WASL: variants seen among roughly 807,000 people sequenced by gnomAD.
WASL encodes WASP like actin nucleation promoting factor.
A neutral mutation model predicts 55.5 loss-of-function variants in WASL; 20 were observed. The observed-to-expected ratio is 0.36, with a 90% CI of 0.25 to 0.52. The LOEUF (loss-of-function observed/expected upper bound fraction) is 0.52, where lower values mean the gene tolerates loss of function less well. Among genes scored for constraint, WASL ranks in the 20% least tolerant of loss-of-function variants. The pLI is 0.92. For synonymous variants in WASL, 249 were observed against 217.6 expected (o/e 1.14, Z -1.27); for missense variants, 504 against 622.5 (o/e 0.81, Z 2.03).
chr7:123,685,892 A>T, intron 10 of WASL, among the ~76,000 whole-genome samples: 1 of 148,028 alleles, frequency 6.8e-6, no homozygotes, highest in Non-Finnish European at 1.5e-5. Flanking sequence ...ATAAATATGT[A>T]TATAAATATA....
intron 7 of WASL, among the ~76,000 whole-genome samples, chr7:123,695,382 T>A (rs1803474946): frequency 1.3e-5 from 2 of 152,152 alleles, no homozygotes; most frequent in Non-Finnish European, 2.9e-5. Flanking sequence ...CAAACGCTGA[T>A]TAATTTTTGC....
At chr7:123,719,279 A>C (rs181732209) in intron 1 of WASL, among the ~76,000 whole-genome samples, 9 of 152,338 alleles carry the variant, frequency 5.9e-5, no homozygotes, top group Non-Finnish European at 8.8e-5. Flanking sequence ...GATATGCTGA[A>C]GTCACATGGG....
At chr7:123,699,001 T>A (rs1803533684) in intron 5 of WASL, among the ~76,000 whole-genome samples, 1 of 152,192 alleles carries the variant, frequency 6.6e-6, no homozygotes, top group Non-Finnish European at 1.5e-5. Context: ...AGCAACACTA[T>A]CCACAATAAG....
In WASL at chr7:123,689,116, G is replaced by A; in HGVS notation, c.1382C>T (p.Pro461Leu). 1.2e-6 allele frequency: 2 copies of A among 1,613,696 alleles called. No homozygotes were observed. The highest frequency in any genetic ancestry group is 1.7e-6 in the Non-Finnish European group (2 of 1,179,908). The change falls in exon 10 of 11, where the codon CCT becomes CTT. Residue 461 changes from proline (P) to leucine (L), a missense_variant. Pro to Leu is a moderately conservative substitution (Grantham distance 98, BLOSUM62 -3). Around this residue, in one of 5 missense-constraint regions of WASL, gnomAD observed 53 missense variants for 69.1 expected, o/e 0.77. Transcript: ENST00000223023. ...ACCCACAATTCCTGAAGTGGGTGCA[G>A]GTGTTGGTGGTGTAGACTCTTGGCC... ...ADGQESTPPTPAPTSGIVGAL... is the reference protein window; with the variant it reads ...ADGQESTPPTLAPTSGIVGAL...
rs1341994058 is a variant in WASL at position 123,748,864 on chromosome 7, A to T, written c.-130T>A. On this transcript the variant is annotated 5_prime_UTR_variant, in exon 1 of 11. Transcript: ENST00000223023. ...GCGCCACATCTCGCAGCTCCTCCGG[A>T]GCGGGGAGGAGGACGAGGTCGAGGG... is the stretch of plus-strand genomic sequence containing the variant. 3 of 723,100 alleles carry T rather than the reference A, an allele frequency of 4.1e-6. No homozygotes were observed. The highest frequency in any genetic ancestry group is 1.9e-5 in the African/African-American group (1 of 53,714). 44.8% of individuals were successfully genotyped at this position (723,100 alleles called of 1,614,324 possible).
At chr7:123,712,436 T>C (rs1803773786) in intron 1 of WASL, among the ~76,000 whole-genome samples, 1 of 152,142 alleles carries the variant, frequency 6.6e-6, no homozygotes, top group South Asian at 2.1e-4. Flanking sequence ...TTAGGATATA[T>C]AGCCTGAAAT....
At chr7:123,705,240 A>G (rs1034572522) in intron 4 of WASL, among the ~76,000 whole-genome samples, 1 of 152,160 alleles carries the variant, frequency 6.6e-6, no homozygotes, top group Non-Finnish European at 1.5e-5. Flanking sequence ...GGCAGAGTCA[A>G]TAGGACTCTG....
intron 1 of WASL, among the ~76,000 whole-genome samples, chr7:123,727,601 A>T (rs1470738085): frequency 1.3e-5 from 2 of 152,240 alleles, no homozygotes; most frequent in Non-Finnish European, 2.9e-5. Context: ...AAACTAAGCC[A>T]TCATGACAGA....
chr7:123,699,139 A>G (rs1803537382), intron 5 of WASL, among the ~76,000 whole-genome samples: 1 of 152,188 alleles, frequency 6.6e-6, no homozygotes, highest in African/African-American at 2.4e-5. Context: ...TAATCCCAGC[A>G]CTTTGGAAGG....
chr7:123,703,196 A>G (rs932903971), intron 5 of WASL, among the ~76,000 whole-genome samples: 3 of 152,178 alleles, frequency 2.0e-5, no homozygotes, highest in Admixed American at 2.0e-4. Flanking sequence ...TTTTGCCTTC[A>G]AAATCATCTT....
At chr7:123,707,179 T>C (rs28535771) in intron 2 of WASL, among the ~76,000 whole-genome samples, 3,280 of 152,252 alleles carry the variant, frequency 0.022, 139 homozygotes, top group African/African-American at 0.075. Flanking sequence ...TAGGATACTT[T>C]TGTACATGAA....
At chr7:123,721,460 C>T (rs1803941058) in intron 1 of WASL, among the ~76,000 whole-genome samples, 1 of 152,048 alleles carries the variant, frequency 6.6e-6, no homozygotes, top group South Asian at 2.1e-4. Flanking sequence ...CAACATACAA[C>T]CTAAGGACTT....
intron 5 of WASL, among the ~76,000 whole-genome samples, chr7:123,698,586 C>T (rs142282137): frequency 0.01 from 1,585 of 152,038 alleles, 19 homozygotes; most frequent in Middle Eastern, 0.021. Context: ...GTTTTAGTTA[C>T]AATTTCATTC....
chr7:123,684,678 G>A, intron 10 of WASL, 98 bp from the exon 11 acceptor site: 1 of 1,133,906 alleles, frequency 8.8e-7, no homozygotes, highest in Non-Finnish European at 1.1e-6. Context: ...CTGAAACACA[G>A]ATAATGTGAC....
intron 5 of WASL, among the ~76,000 whole-genome samples, chr7:123,703,816 T>C (rs905628950): frequency 3.3e-5 from 5 of 152,224 alleles, no homozygotes; most frequent in East Asian, 3.8e-4. Context: ...ATTTGAGATA[T>C]GCTTTTAAAA....
chr7:123,699,221 T>C (rs895908334), intron 5 of WASL, among the ~76,000 whole-genome samples: 2 of 151,952 alleles, frequency 1.3e-5, no homozygotes, highest in African/African-American at 4.8e-5. Flanking sequence ...GCGCCTCTAA[T>C]ACAAAAATTA....
intron 1 of WASL, among the ~76,000 whole-genome samples, chr7:123,739,107 GAAT>G (rs1378291407): frequency 6.6e-6 from 1 of 152,128 alleles, no homozygotes; most frequent in Non-Finnish European, 1.5e-5. Context: ...TTTCTATTAT[GAAT>G]AATAATTTCC....
chr7:123,710,993 A>G (rs537411835), intron 1 of WASL, among the ~76,000 whole-genome samples: 1 of 152,332 alleles, frequency 6.6e-6, no homozygotes, highest in East Asian at 1.9e-4. Context: ...GAATTCGCAT[A>G]AAGTCTTTTT....
chr7:123,738,624 C>T (rs1160889336), intron 1 of WASL, among the ~76,000 whole-genome samples: 2 of 152,162 alleles, frequency 1.3e-5, no homozygotes, highest in African/African-American at 2.4e-5. Context: ...TTTCATCTAT[C>T]GTGAACCTGG....
Sources: allele counts gnomAD v4.1 joint callset (sites outside exome capture counted in the v4.1 genomes callset), GRCh38; gene constraint gnomAD v4.1.1; regional missense constraint gnomAD v4.1.1; transcripts MANE v1.5; gene names NCBI Gene and HGNC (gene_info 2026-07-23, HGNC 2026-07-21).